PIK3R3: variants seen among roughly 807,000 people sequenced by gnomAD.
The protein encoded by PIK3R3 is phosphatidylinositol 3-kinase regulatory subunit gamma.
A neutral mutation model predicts 62.9 loss-of-function variants in PIK3R3; 64 were observed. The observed-to-expected ratio is 1.02, with a 90% CI of 0.83 to 1.25. PIK3R3 has a LOEUF of 1.25. PIK3R3 is among the 50% of genes most tolerant of loss of function. The pLI is 0.00. For missense variants in PIK3R3, 614 were observed against 561.6 expected, an observed-to-expected ratio of 1.09 and a Z score of -0.94; for synonymous variants, 165 against 189.0, an observed-to-expected ratio of 0.87 and a Z score of 1.04.
intron 1 of PIK3R3, among the ~76,000 whole-genome samples, chr1:46,126,637 T>C (rs1010082588): frequency 9.2e-5 from 14 of 151,690 alleles, no homozygotes; most frequent in African/African-American, 3.4e-4. Flanking sequence ...GAAAATATAG[T>C]TATTTTTTCA....
intron 6 of PIK3R3, among the ~76,000 whole-genome samples, chr1:46,060,052 A>G (rs1182922618): frequency 6.6e-6 from 1 of 152,216 alleles, no homozygotes; most frequent in African/African-American, 2.4e-5. Context: ...GTGAGCCGAA[A>G]TCGCACCACT....
the PIK3R3 span, among the ~76,000 whole-genome samples, chr1:46,166,084 T>G: frequency 6.6e-6 from 1 of 151,728 alleles, no homozygotes; most frequent in South Asian, 2.1e-4. Context: ...TGTCCTTTTA[T>G]TATGAAGGTA....
the PIK3R3 span, among the ~76,000 whole-genome samples, chr1:46,162,248 C>T: frequency 1.3e-5 from 2 of 151,922 alleles, no homozygotes; most frequent in Non-Finnish European, 2.9e-5. Flanking sequence ...CTTTGGGAGG[C>T]CCAGGTGGGG....
chr1:46,154,113 C>A, the PIK3R3 span, among the ~76,000 whole-genome samples: 7 of 152,106 alleles, frequency 4.6e-5, no homozygotes, highest in African/African-American at 1.4e-4. Context: ...GCAGGTAGTT[C>A]AGGTTAGGTA....
At chr1:46,100,450 G>A (rs927389750) in intron 1 of PIK3R3, among the ~76,000 whole-genome samples, 1 of 151,916 alleles carries the variant, frequency 6.6e-6, no homozygotes, top group Admixed American at 6.6e-5. Context: ...CTTTATATTC[G>A]GGGGTTCTAT....
chr1:46,110,623 A>G (rs1421737274), intron 1 of PIK3R3, among the ~76,000 whole-genome samples: 1 of 152,176 alleles, frequency 6.6e-6, no homozygotes, highest in East Asian at 1.9e-4. Context: ...CTCAAAGACT[A>G]TGAGCTCCTT....
intron 8 of PIK3R3, 32 bp from the exon 9 acceptor site, chr1:46,046,120 C>G: frequency 7.7e-7 from 1 of 1,292,566 alleles, no homozygotes; most frequent in Non-Finnish European, 1.1e-6. Flanking sequence ...ATTATTCTAA[C>G]AAGTTACTTC....
chr1:46,054,397 C>CAAA (rs10649671), intron 7 of PIK3R3, among the ~76,000 whole-genome samples: 13,717 of 79,882 alleles, frequency 0.17, 1,658 homozygotes, highest in Non-Finnish European at 0.21. Context: ...CTCCGCCTCA[C>CAAA]AAAAAAAAAA....
chr1:46,084,036 G>A (rs572026299), intron 1 of PIK3R3, among the ~76,000 whole-genome samples: 4 of 152,126 alleles, frequency 2.6e-5, no homozygotes, highest in African/African-American at 7.2e-5. Context: ...ATCAACAGAC[G>A]AATAGATAAA....
chr1:46,140,617 A>G, the PIK3R3 span, among the ~76,000 whole-genome samples: 4 of 151,656 alleles, frequency 2.6e-5, no homozygotes, highest in Admixed American at 6.6e-5. Flanking sequence ...ATAGACATAG[A>G]TGAGAAGGCA....
chr1:46,164,149 G>T, the PIK3R3 span, among the ~76,000 whole-genome samples: 1 of 152,126 alleles, frequency 6.6e-6, no homozygotes, highest in Non-Finnish European at 1.5e-5. Flanking sequence ...AATTATTGAG[G>T]ATCTATCTAG....
At chr1:46,172,890 G>A in the PIK3R3 span, among the ~76,000 whole-genome samples, 15 of 152,170 alleles carry the variant, frequency 9.9e-5, no homozygotes, top group African/African-American at 3.4e-4. Flanking sequence ...CTACTAGGGA[G>A]GCTGAGGCAC....
At chr1:46,111,560 T>G (rs1346543267) in intron 1 of PIK3R3, among the ~76,000 whole-genome samples, 37 of 152,120 alleles carry the variant, frequency 2.4e-4, no homozygotes, top group Admixed American at 2.4e-3. Flanking sequence ...ACCCCATCTC[T>G]ACTAAAAATA....
the PIK3R3 span, among the ~76,000 whole-genome samples, chr1:46,166,832 C>G: frequency 6.6e-6 from 1 of 152,196 alleles, no homozygotes; most frequent in African/African-American, 2.4e-5. Context: ...CATCCTCCAC[C>G]CCACGCCCCC....
intron 1 of PIK3R3, among the ~76,000 whole-genome samples, chr1:46,114,703 C>T (rs1199067423): frequency 1.3e-5 from 2 of 150,904 alleles, no homozygotes; most frequent in African/African-American, 4.9e-5. Context: ...CTCCCAGGTT[C>T]AAGCAATCCT....
At chr1:46,112,007 C>T (rs1192609275) in intron 1 of PIK3R3, among the ~76,000 whole-genome samples, 1 of 152,170 alleles carries the variant, frequency 6.6e-6, no homozygotes, top group Admixed American at 6.5e-5. Flanking sequence ...TTTATCTCCA[C>T]CTAACATACT....
upstream of PIK3R3, among the ~76,000 whole-genome samples, chr1:46,134,935 G>A (rs777922421): frequency 6.6e-6 from 1 of 152,216 alleles, no homozygotes; most frequent in Non-Finnish European, 1.5e-5. Flanking sequence ...CTGTGATTCA[G>A]TCTTTCCACC....
At chr1:46,094,742 A>G (rs1651957331) in intron 1 of PIK3R3, among the ~76,000 whole-genome samples, 1 of 152,150 alleles carries the variant, frequency 6.6e-6, no homozygotes, top group African/African-American at 2.4e-5. Flanking sequence ...CCCTTCCTAT[A>G]CCCCAACAAC....
the PIK3R3 span, among the ~76,000 whole-genome samples, chr1:46,141,358 G>A: frequency 1.3e-4 from 19 of 151,998 alleles, no homozygotes; most frequent in East Asian, 7.7e-4. Context: ...GCAACCTTCC[G>A]CCTCCCGGGT....
Sources: allele counts gnomAD v4.1 joint callset (sites outside exome capture counted in the v4.1 genomes callset), GRCh38; gene constraint gnomAD v4.1.1; transcripts MANE v1.5; gene names NCBI Gene and HGNC (gene_info 2026-07-23, HGNC 2026-07-21).